UMAD1: variants seen among roughly 807,000 people sequenced by gnomAD.
UMAD1 encodes UBAP1-MVB12-associated (UMA) domain containing 1.
A neutral mutation model predicts 6.1 loss-of-function variants in UMAD1; 8 were observed. The observed-to-expected ratio is 1.30, with a 90% CI of 0.76 to 2.35. The LOEUF (loss-of-function observed/expected upper bound fraction) is 2.35. Among genes scored for constraint, UMAD1 ranks in the 30% most tolerant of loss-of-function variants. The pLI is 0.00. For synonymous variants in UMAD1, 56 were observed against 31.4 expected, an observed-to-expected ratio of 1.78 and a Z score of -2.61; for missense variants, 130 against 78.4, an observed-to-expected ratio of 1.66 and a Z score of -2.49.
chr7:7,784,905 G>A (rs1782431140), intron 2 of UMAD1, among the ~76,000 whole-genome samples: 1 of 151,808 alleles, frequency 6.6e-6, no homozygotes, highest in African/African-American at 2.4e-5. Flanking sequence ...TGGGACTACA[G>A]GCGCCCGCCA....
intron 3 of UMAD1, among the ~76,000 whole-genome samples, chr7:7,811,374 C>G (rs1783018709): frequency 6.6e-6 from 1 of 152,106 alleles, no homozygotes; most frequent in Non-Finnish European, 1.5e-5. Context: ...TGTGTTTATC[C>G]TCTTATGCAG....
At chr7:7,769,310 C>T (rs1782055664) in intron 2 of UMAD1, among the ~76,000 whole-genome samples, 1 of 151,938 alleles carries the variant, frequency 6.6e-6, no homozygotes. Context: ...AAATAATTGC[C>T]CTTTAATGTT....
chr7:7,655,985 G>A (rs935525954), intron 1 of UMAD1, among the ~76,000 whole-genome samples: 5 of 152,040 alleles, frequency 3.3e-5, no homozygotes, highest in African/African-American at 7.2e-5. Context: ...ACAGGCATGC[G>A]CCATCATGCC....
chr7:7,769,320 TC>T (rs1782055897), intron 2 of UMAD1, among the ~76,000 whole-genome samples: 2 of 152,170 alleles, frequency 1.3e-5, no homozygotes, highest in South Asian at 4.1e-4. Flanking sequence ...CCTTTAATGT[TC>T]TTTTTTTTAA....
intron 2 of UMAD1, among the ~76,000 whole-genome samples, chr7:7,690,305 C>T (rs991662368): frequency 1.3e-5 from 2 of 151,732 alleles, no homozygotes; most frequent in Non-Finnish European, 2.9e-5. Context: ...CATGGAAGTT[C>T]AGGAGAAAAA....
At chr7:7,734,731 A>G (rs1177444812) in intron 2 of UMAD1, among the ~76,000 whole-genome samples, 1 of 152,162 alleles carries the variant, frequency 6.6e-6, no homozygotes, top group Non-Finnish European at 1.5e-5. Flanking sequence ...TTCCCTTAAA[A>G]TAGTTACCTA....
At chr7:7,781,968 A>G (rs1359373652) in intron 2 of UMAD1, among the ~76,000 whole-genome samples, 2 of 152,056 alleles carry the variant, frequency 1.3e-5, no homozygotes, top group Non-Finnish European at 2.9e-5. Context: ...CTAGCTTTGT[A>G]TTTTGAATGA....
chr7:7,671,061 C>A (rs1274306817), intron 1 of UMAD1, among the ~76,000 whole-genome samples: 7 of 152,142 alleles, frequency 4.6e-5, no homozygotes, highest in Non-Finnish European at 7.4e-5. Flanking sequence ...TCTCTGGCAG[C>A]TTCTTATCTG....
intron 1 of UMAD1, among the ~76,000 whole-genome samples, chr7:7,666,118 C>T (rs939769298): frequency 3.9e-4 from 60 of 152,274 alleles, no homozygotes; most frequent in Middle Eastern, 3.4e-3. Context: ...TACCCTTCTA[C>T]CACAAGTGTA....
Position 7,643,004 on chromosome 7 carries a change from G to A in UMAD1, c.-64+2183G>A, listed in dbSNP as rs139903523. 4.8e-3 allele frequency among the ~76,000 whole-genome samples: 736 copies of A among 152,206 alleles called. 14 individuals are homozygous for A. The highest frequency in any genetic ancestry group is 0.017 in the African/African-American group (703 of 41,516). The stretch of plus-strand genomic sequence containing the variant: ...GATTCATCTATGTTGACGAATGTAC[G>A]TAGATCATATTTTTTTTTCTGTTAC... On this transcript the variant is annotated intron_variant, in intron 1 of 3. Transcript: ENST00000682710.
intron 2 of UMAD1, among the ~76,000 whole-genome samples, chr7:7,765,698 A>T (rs2115236519): frequency 6.6e-6 from 1 of 152,210 alleles, no homozygotes; most frequent in Non-Finnish European, 1.5e-5. Flanking sequence ...ACTTTTGTTG[A>T]CTGAGAAATC....
intron 2 of UMAD1, chr7:7,772,575 T>C (rs1782122524): frequency 6.6e-6 from 1 of 152,242 alleles, no homozygotes. Context: ...GTTTCCAGTG[T>C]ACTGGAGGCT....
chr7:7,806,472 C>G (rs1782915843), intron 3 of UMAD1, among the ~76,000 whole-genome samples: 1 of 152,170 alleles, frequency 6.6e-6, no homozygotes, highest in Admixed American at 6.5e-5. Context: ...ATGACCTCAG[C>G]AACTATCACA....
chr7:7,833,653 C>T (rs1220768444), intron 3 of UMAD1, among the ~76,000 whole-genome samples: 1 of 152,034 alleles, frequency 6.6e-6, no homozygotes, highest in African/African-American at 2.4e-5. Flanking sequence ...CACAAATAGG[C>T]AAAGATGGCA....
intron 3 of UMAD1, among the ~76,000 whole-genome samples, chr7:7,841,205 C>T (rs1256149120): frequency 1.3e-5 from 2 of 152,096 alleles, no homozygotes; most frequent in African/African-American, 4.8e-5. Flanking sequence ...GTAAACAGTA[C>T]TATTTAAAGC....
intron 2 of UMAD1, among the ~76,000 whole-genome samples, chr7:7,739,742 G>A (rs1781426741): frequency 6.6e-6 from 1 of 152,108 alleles, no homozygotes; most frequent in Non-Finnish European, 1.5e-5. Context: ...GTTATTTTTT[G>A]CAGAGAAATT....
At chr7:7,736,660 A>AT (rs1487585271) in intron 2 of UMAD1, 1 of 151,408 alleles carries the variant, frequency 6.6e-6, no homozygotes, top group Non-Finnish European at 1.5e-5. Flanking sequence ...CCAAAGTCTG[A>AT]TTCTTTTCTT....
chr7:7,786,199 T>A (rs888702414), intron 2 of UMAD1, among the ~76,000 whole-genome samples: 2 of 152,210 alleles, frequency 1.3e-5, no homozygotes, highest in African/African-American at 2.4e-5. Context: ...CATGTTGCAT[T>A]TACTCGGGAT....
chr7:7,740,905 T>G (rs914587823), intron 2 of UMAD1: 6 of 152,126 alleles, frequency 3.9e-5, no homozygotes, highest in African/African-American at 1.4e-4. Flanking sequence ...CAAACCTATA[T>G]AATGTTTGCA....
Sources: allele counts gnomAD v4.1 joint callset (sites outside exome capture counted in the v4.1 genomes callset), GRCh38; gene constraint gnomAD v4.1.1; transcripts MANE v1.5; gene names NCBI Gene and HGNC (gene_info 2026-07-23, HGNC 2026-07-21).